ADRA1A: variants seen among roughly 807,000 people sequenced by gnomAD.
The protein encoded by ADRA1A is alpha-1A adrenergic receptor.
In ADRA1A, 31 loss-of-function variants were observed where a neutral mutation model predicts 29.6. The observed-to-expected ratio is 1.05, with a 90% confidence interval of 0.79 to 1.41. The LOEUF (loss-of-function observed/expected upper bound fraction) is 1.41. Ranked by LOEUF, ADRA1A falls within the 40% of genes most tolerant of loss-of-function variation. The pLI, the probability that ADRA1A is intolerant of heterozygous loss-of-function variation, is 0.00. For missense variants in ADRA1A, 619 were observed against 601.1 expected, an observed-to-expected ratio of 1.03 and a Z score of -0.31; for synonymous variants, 311 against 254.3, an observed-to-expected ratio of 1.22 and a Z score of -2.12.
At chr8:26,777,004 C>T (rs1467106368) in intron 2 of ADRA1A, among the ~76,000 whole-genome samples, 1 of 152,148 alleles carries the variant, frequency 6.6e-6, no homozygotes, top group Non-Finnish European at 1.5e-5. Flanking sequence ...AACATTCAGG[C>T]CAGACCCAAT....
At position 26,833,553 on chromosome 8, in the gene ADRA1A, C is replaced by G. The variant is rs553864016; in HGVS notation, c.883+30534G>C. ...CTGACCCAGCACAAACTAAGAAGCT[C>G]AGCAATGACTCAGTCACTCCTCTTG... On this transcript the variant is annotated intron_variant, in intron 2 of 2. Coordinates refer to ENST00000380573, the MANE Select transcript of ADRA1A (RefSeq NM_000680.4). Among the ~76,000 whole-genome samples the G allele has an allele frequency of 2.0e-5, 3 of 152,348 alleles. No individual in the cohort carries two copies. In the East Asian group the frequency reaches 5.8e-4, roughly 29 times the overall value.
chr8:26,786,833 G>T (rs996218585), intron 2 of ADRA1A, among the ~76,000 whole-genome samples: 1 of 151,924 alleles, frequency 6.6e-6, no homozygotes, highest in African/African-American at 2.4e-5. Flanking sequence ...GATTATGTGG[G>T]TGATGATTTG....
At chr8:26,809,585 T>A (rs73560103) in intron 2 of ADRA1A, among the ~76,000 whole-genome samples, 26 of 152,368 alleles carry the variant, frequency 1.7e-4, no homozygotes, top group African/African-American at 6.3e-4. Flanking sequence ...CATGGAATGA[T>A]GGAATTAGTA....
Position 26,770,682 on chromosome 8 carries a change from C to A in ADRA1A, c.884-16G>T. 1 of 1,575,848 alleles carries A rather than the reference C, an allele frequency of 6.3e-7. No homozygotes were observed. The highest frequency in any genetic ancestry group is 8.6e-7 in the Non-Finnish European group (1 of 1,160,984). ...AAGAAAGACCCTGGAAGAAAACACA[C>A]AGATTTATACATATTATTTGAAAGC... On this transcript the variant is annotated splice_polypyrimidine_tract_variant and intron_variant, in intron 2 of 2. Coordinates refer to ENST00000380573, the MANE Select transcript of ADRA1A (RefSeq NM_000680.4).
At chr8:26,851,007 G>A (rs1355915431) in intron 2 of ADRA1A, among the ~76,000 whole-genome samples, 3 of 152,120 alleles carry the variant, frequency 2.0e-5, no homozygotes, top group Non-Finnish European at 2.9e-5. Context: ...ATGATTTGCC[G>A]ACCTCTGTTC....
chr8:26,859,249 AT>A, intron 2 of ADRA1A: 1 of 1,194,802 alleles, frequency 8.4e-7, no homozygotes, highest in Non-Finnish European at 1.1e-6. Context: ...TTCTGCTCAC[AT>A]TTTGCATGAA....
rs1808224384 is a variant in ADRA1A at position 26,796,830 on chromosome 8, A to G, written c.884-26164T>C. Among the ~76,000 whole-genome samples, 1 of 152,146 alleles carries G rather than the reference A, an allele frequency of 6.6e-6. No homozygotes were observed. ...GCCTCTGTAATGTGTGACCACAGGA[A>G]GCTTTTGCATATGGCTTTGTTTTAA... On this transcript the variant is annotated intron_variant, in intron 2 of 2. Transcript: ENST00000380573. This position sits in a 1 kb window ranked among gnomAD's most constrained non-coding sequence, Gnocchi z 5.0.
At chr8:26,861,323 T>TTTTC (rs71216784) in intron 2 of ADRA1A, among the ~76,000 whole-genome samples, 2 of 148,450 alleles carry the variant, frequency 1.3e-5, no homozygotes, top group Admixed American at 6.8e-5. Context: ...TTTTTTTTTT[T>TTTTC]AGATGGAGCC....
intron 2 of ADRA1A, among the ~76,000 whole-genome samples, chr8:26,773,082 T>G (rs920647863): frequency 6.6e-6 from 1 of 152,346 alleles, no homozygotes; most frequent in Non-Finnish European, 1.5e-5. Context: ...CTCTTCCCTA[T>G]TTTACAAATG....
downstream of ADRA1A, chr8:26,766,168 A>G: frequency 6.5e-7 from 1 of 1,540,518 alleles, no homozygotes; most frequent in Non-Finnish European, 8.9e-7. Flanking sequence ...ACAAAAAAAA[A>G]GTTGGAATAC....
chr8:26,833,845 C>T (rs1811160497), intron 2 of ADRA1A, among the ~76,000 whole-genome samples: 1 of 152,100 alleles, frequency 6.6e-6, no homozygotes, highest in Non-Finnish European at 1.5e-5. Flanking sequence ...GAAAAGAAAG[C>T]CTTTTATATT....
At chr8:26,766,581 T>G (rs1805801721), downstream of ADRA1A, among the ~76,000 whole-genome samples, 2 of 152,146 alleles carry the variant, frequency 1.3e-5, no homozygotes, top group African/African-American at 2.4e-5. Context: ...AACAGAACAT[T>G]AAAAAGTTTG....
intron 2 of ADRA1A, among the ~76,000 whole-genome samples, chr8:26,829,942 G>A (rs1563287976): frequency 7.3e-6 from 1 of 137,512 alleles, no homozygotes; most frequent in East Asian, 2.5e-4. Context: ...ACTCCTAAAT[G>A]TCAAGGGTGT....
rs999225823 is a variant in ADRA1A at position 26,865,110 on chromosome 8, C to A, written c.-141G>T. 5.4e-6 allele frequency: 8 copies of A among 1,470,596 alleles called. No individual in the cohort carries two copies. The highest frequency in any genetic ancestry group is 2.5e-4 in the Middle Eastern group (1 of 3,974). The allele number at this position is 1,470,596 out of a possible 1,614,324, so 91.1% of individuals were successfully genotyped here. On this transcript the variant is annotated 5_prime_UTR_variant, in exon 2 of 3. Transcript: ENST00000380573. The surrounding 1 kb of genome is among the most constrained non-coding windows in gnomAD (Gnocchi z 7.6). ...AGGTGGGTTTGGCTGGGGGTGAGAGCGCGCGCGCGGGTGGGAAACAACCCT... is the reference window on the plus strand; with the variant it reads ...AGGTGGGTTTGGCTGGGGGTGAGAGAGCGCGCGCGGGTGGGAAACAACCCT...
In ADRA1A at chr8:26,821,143, G is replaced by A. The variant is rs147270759; in HGVS notation, c.883+42944C>T. ...GACCTCAGGTGATCCACCCACCTTG[G>A]CCTCGCAAAGTGCTGGGATTACAGG... On this transcript the variant is annotated intron_variant, in intron 2 of 2. Coordinates refer to ENST00000380573, the MANE Select transcript of ADRA1A (RefSeq NM_000680.4). This position sits in a 1 kb window ranked among gnomAD's most constrained non-coding sequence, Gnocchi z 5.6. Among the ~76,000 whole-genome samples, 1,423 of 152,234 alleles carry A rather than the reference G, an allele frequency of 9.3e-3. 20 individuals are homozygous for A. Among genetic ancestry groups the A allele is most frequent in the African/African-American group, 0.032 (1,317 of 41,534 alleles).
chr8:26,789,403 A>C (rs996895158), intron 2 of ADRA1A, among the ~76,000 whole-genome samples: 1 of 152,204 alleles, frequency 6.6e-6, no homozygotes, highest in Non-Finnish European at 1.5e-5. Context: ...AAGAACATAC[A>C]GTGGGGCAAG....
At position 26,831,079 on chromosome 8, in the gene ADRA1A, G is replaced by A. The variant is rs1487512777; in HGVS notation, c.883+33008C>T. On this transcript the variant is annotated intron_variant, in intron 2 of 2. Coordinates refer to ENST00000380573, the MANE Select transcript of ADRA1A (RefSeq NM_000680.4). The surrounding 1 kb of genome is among the most constrained non-coding windows in gnomAD (Gnocchi z 5.2). ...AGAAATATACTTAGGAGATTGGCCT[G>A]GTTGGGGCTCTGCCATCACAGTCTC... Among the ~76,000 whole-genome samples, 2 of 152,268 alleles carry A rather than the reference G, an allele frequency of 1.3e-5. No individual in the cohort carries two copies. The highest frequency in any genetic ancestry group is 3.9e-4 in the East Asian group (2 of 5,186).
chr8:26,820,131 A>G (rs1016160580), intron 2 of ADRA1A, among the ~76,000 whole-genome samples: 2 of 152,174 alleles, frequency 1.3e-5, no homozygotes, highest in Non-Finnish European at 2.9e-5. Flanking sequence ...AGAAATAGAG[A>G]GCAATATAAT....
At chr8:26,861,538 C>A (rs993039531) in intron 2 of ADRA1A, among the ~76,000 whole-genome samples, 2 of 151,942 alleles carry the variant, frequency 1.3e-5, no homozygotes, top group African/African-American at 4.8e-5. Context: ...TTGATATATC[C>A]CAAGTTTATA....
Sources: gnomAD v4.1 joint callset for allele counts (sites outside exome capture counted in the v4.1 genomes callset) on GRCh38, gnomAD v4.1.1 for gene constraint, Gnocchi (gnomAD v3.1) non-coding constraint, MANE v1.5 for transcripts, NCBI Gene and HGNC (gene_info 2026-07-23, HGNC 2026-07-21) for gene names.